MED27: variants seen among roughly 807,000 people sequenced by gnomAD.
MED27 encodes mediator complex subunit 27.
MED27 carries 30 observed loss-of-function variants against 38.2 expected under a neutral mutation model. That is an observed-to-expected ratio of 0.79 (90% CI 0.59 to 1.07). The LOEUF (loss-of-function observed/expected upper bound fraction) is 1.07, where lower values mean the gene tolerates loss of function less well. MED27 is among the 50% of genes least tolerant of loss of function. The probability of loss-of-function intolerance (pLI) is 0.00; values close to 1 mark genes in which losing one functional copy is unlikely to be tolerated. For missense variants in MED27, 289 were observed against 397.5 expected, an observed-to-expected ratio of 0.73 and a Z score of 2.32; for synonymous variants, 122 against 153.5, an observed-to-expected ratio of 0.79 and a Z score of 1.52.
At chr9:132,012,808 T>G (rs1394112383) in intron 3 of MED27, among the ~76,000 whole-genome samples, 1 of 152,118 alleles carries the variant, frequency 6.6e-6, no homozygotes. Flanking sequence ...ACCCCCGAAA[T>G]GAAAAGCTTA....
At chr9:132,050,323 G>A (rs967667238) in intron 2 of MED27, among the ~76,000 whole-genome samples, 5 of 152,202 alleles carry the variant, frequency 3.3e-5, no homozygotes, top group African/African-American at 9.7e-5. Flanking sequence ...ACTACAGAAG[G>A]CAACGTGCAG....
At chr9:131,880,090 C>T (rs1052486176) in intron 6 of MED27, among the ~76,000 whole-genome samples, 1 of 152,204 alleles carries the variant, frequency 6.6e-6, no homozygotes, top group African/African-American at 2.4e-5. Context: ...GAGATGAACA[C>T]GACGAAATAG....
intron 3 of MED27, among the ~76,000 whole-genome samples, chr9:131,992,372 T>C (rs1831993972): frequency 6.6e-6 from 1 of 152,184 alleles, no homozygotes; most frequent in South Asian, 2.1e-4. Flanking sequence ...CATCTGTCGA[T>C]ACTGCACCTC....
chr9:132,019,378 T>G (rs894479761), intron 2 of MED27, among the ~76,000 whole-genome samples: 1 of 152,218 alleles, frequency 6.6e-6, no homozygotes. Context: ...AGTCCTCTTA[T>G]GGCTGGCCTC....
intron 3 of MED27, among the ~76,000 whole-genome samples, chr9:131,994,251 A>T (rs2131046472): frequency 6.6e-6 from 1 of 152,316 alleles, no homozygotes; most frequent in South Asian, 2.1e-4. Flanking sequence ...ATGATGCTAA[A>T]TGAGAACTTA....
At chr9:131,988,163 G>T (rs1831893320) in intron 3 of MED27, among the ~76,000 whole-genome samples, 1 of 152,180 alleles carries the variant, frequency 6.6e-6, no homozygotes, top group South Asian at 2.1e-4. Context: ...TAGCATAGTG[G>T]CTACTCAATC....
At chr9:131,927,739 C>G (rs1830508210) in intron 4 of MED27, among the ~76,000 whole-genome samples, 1 of 152,178 alleles carries the variant, frequency 6.6e-6, no homozygotes, top group Admixed American at 6.5e-5. Context: ...ATAAGCCAAG[C>G]TGAAATATAC....
chr9:132,019,741 G>T (rs1011737900), intron 2 of MED27, among the ~76,000 whole-genome samples: 12 of 152,248 alleles, frequency 7.9e-5, no homozygotes, highest in African/African-American at 2.7e-4. Context: ...GTCCCGCGGG[G>T]ATAGGTATGC....
At chr9:131,935,907 T>C (rs1338431387) in intron 4 of MED27, among the ~76,000 whole-genome samples, 1 of 151,862 alleles carries the variant, frequency 6.6e-6, no homozygotes, top group Non-Finnish European at 1.5e-5. Context: ...CCCAGCACTT[T>C]GGGAGGCTGA....
intron 2 of MED27, among the ~76,000 whole-genome samples, chr9:132,037,737 T>C (rs1833111584): frequency 6.6e-6 from 1 of 152,086 alleles, no homozygotes; most frequent in Admixed American, 6.6e-5. Flanking sequence ...TCTGGAAACA[T>C]CACCAAATGA....
At chr9:132,012,182 AC>A (rs1406176849) in intron 3 of MED27, among the ~76,000 whole-genome samples, 2 of 152,234 alleles carry the variant, frequency 1.3e-5, no homozygotes, top group African/African-American at 4.8e-5. Flanking sequence ...TTCTCGCCAA[AC>A]ATCTTGCCTC....
At chr9:131,978,442 A>T (rs1831657787) in intron 3 of MED27, among the ~76,000 whole-genome samples, 1 of 152,200 alleles carries the variant, frequency 6.6e-6, no homozygotes, top group Non-Finnish European at 1.5e-5. Flanking sequence ...CAGAACTATT[A>T]TTAGTTTTAT....
intron 2 of MED27, among the ~76,000 whole-genome samples, chr9:132,046,426 A>G (rs1833339162): frequency 6.6e-6 from 1 of 152,086 alleles, no homozygotes; most frequent in Non-Finnish European, 1.5e-5. Context: ...AGGTACCAAG[A>G]GTCTTTAAAA....
At chr9:132,070,971 T>C (rs1051092452) in intron 2 of MED27, among the ~76,000 whole-genome samples, 1 of 152,040 alleles carries the variant, frequency 6.6e-6, no homozygotes, top group African/African-American at 2.4e-5. Context: ...CAAAGTCAGG[T>C]GTGGGAGGCC....
At chr9:132,058,770 T>G (rs1833636371) in intron 2 of MED27, among the ~76,000 whole-genome samples, 1 of 152,240 alleles carries the variant, frequency 6.6e-6, no homozygotes, top group African/African-American at 2.4e-5. Flanking sequence ...TCAGTGAAAC[T>G]GTATCAAAAG....
chr9:131,997,174 G>A lies in MED27; in HGVS notation c.479+17163C>T, dbSNP rs927264253. ...TGTTGAAAGGTTGTACAAATCTGCC[G>A]CTTCCGGAGAATAAAGAATTAACTT... On this transcript the variant is annotated intron_variant, in intron 3 of 7. Transcript: ENST00000292035. This position sits in a 1 kb window ranked among gnomAD's most constrained non-coding sequence, Gnocchi z 4.0. 6.6e-6 allele frequency among the ~76,000 whole-genome samples: 1 copy of A among 151,864 alleles called. No individual in the cohort carries two copies. The highest frequency in any genetic ancestry group is 2.4e-5 in the African/African-American group (1 of 41,328).
chr9:132,009,415 G>A (rs1473898464), intron 3 of MED27, among the ~76,000 whole-genome samples: 1 of 152,166 alleles, frequency 6.6e-6, no homozygotes, highest in East Asian at 1.9e-4. Context: ...TAGAACTGAC[G>A]CTGTGTGTCT....
intron 6 of MED27, chr9:131,869,268 A>G (rs1838787435): frequency 1.0e-6 from 1 of 984,982 alleles, no homozygotes. Context: ...GGAGAACTTC[A>G]CCTACAGTGA....
rs543182789 is a variant in MED27, at chr9:131,967,783, T to C, written c.480-28309A>G. On this transcript the variant is annotated intron_variant, in intron 3 of 7. Transcript: ENST00000292035. Reference sequence around the variant, plus strand: ...GATTCGGCCTCCCAAAGTGTTGGGATTACAGGCGTGAGCCACTGTGCCCAG... The same window carrying C: ...GATTCGGCCTCCCAAAGTGTTGGGACTACAGGCGTGAGCCACTGTGCCCAG... Among the ~76,000 whole-genome samples, 7 of 151,876 alleles carry C rather than the reference T, an allele frequency of 4.6e-5. No individual in the cohort carries two copies. In the South Asian group the frequency reaches 1.5e-3, roughly 32 times the overall value.
Sources: allele counts gnomAD v4.1 joint callset (sites outside exome capture counted in the v4.1 genomes callset), GRCh38; gene constraint gnomAD v4.1.1; non-coding constraint Gnocchi (gnomAD v3.1); transcripts MANE v1.5; gene names NCBI Gene and HGNC (gene_info 2026-07-23, HGNC 2026-07-21).